UVSSA: variants seen among roughly 807,000 people sequenced by gnomAD.
UVSSA encodes the protein UV stimulated scaffold protein A, also known as UV-stimulated scaffold protein A.
In UVSSA, 72 loss-of-function variants were observed where a neutral mutation model predicts 73.9. That is an observed-to-expected ratio of 0.97 (90% CI 0.81 to 1.19). The LOEUF (loss-of-function observed/expected upper bound fraction) is 1.19, where lower values mean the gene tolerates loss of function less well. Ranked by LOEUF, UVSSA falls within the 50% of genes most tolerant of loss-of-function variation. The pLI is 0.00. For missense variants in UVSSA, 1,150 were observed against 965.0 expected, an observed-to-expected ratio of 1.19 and a Z score of -2.54; for synonymous variants, 454 against 391.3, an observed-to-expected ratio of 1.16 and a Z score of -1.89.
chr4:1,349,255 T>C (rs1714282272), intron 2 of UVSSA, among the ~76,000 whole-genome samples: 1 of 152,138 alleles, frequency 6.6e-6, no homozygotes, highest in Non-Finnish European at 1.5e-5. Flanking sequence ...ACATTTGAAG[T>C]GTATATGATT....
chr4:1,342,060 T>G (rs373742385), upstream of UVSSA, among the ~76,000 whole-genome samples: 1 of 152,254 alleles, frequency 6.6e-6, no homozygotes, highest in Admixed American at 6.5e-5. Context: ...AAACCTCTTA[T>G]GAACATTTGT....
At chr4:1,357,751 C>T (rs961520851) in intron 7 of UVSSA, among the ~76,000 whole-genome samples, 1 of 152,238 alleles carries the variant, frequency 6.6e-6, no homozygotes, top group Non-Finnish European at 1.5e-5. Context: ...GGAGTGCTGG[C>T]CTCCCAGACC....
chr4:1,380,746 A>C (rs1366198074), intron 11 of UVSSA, 134 bp from the exon 12 acceptor site: 1 of 1,563,480 alleles, frequency 6.4e-7, no homozygotes, highest in Non-Finnish European at 8.7e-7. Context: ...GCGTGATTCC[A>C]GGTTGTGTAC....
upstream of UVSSA, among the ~76,000 whole-genome samples, chr4:1,346,179 C>G (rs1295608880): frequency 6.6e-6 from 1 of 152,206 alleles, no homozygotes; most frequent in East Asian, 1.9e-4. Context: ...TGAGATATAA[C>G]TCACACATCC....
At chr4:1,388,223 A>C (rs1720290668), downstream of UVSSA, 1 of 152,266 alleles carries the variant, frequency 6.6e-6, no homozygotes, top group Non-Finnish European at 1.5e-5. Flanking sequence ...AAAAGATTAT[A>C]AATTGCATTT....
chr4:1,372,427 G>T (rs765132111), intron 8 of UVSSA, among the ~76,000 whole-genome samples: 1 of 152,126 alleles, frequency 6.6e-6, no homozygotes, highest in Non-Finnish European at 1.5e-5. Flanking sequence ...TGTTGTGCTG[G>T]TTTTTATTCT....
chr4:1,375,953 C>T, intron 9 of UVSSA, 81 bp from the exon 10 acceptor site: 1 of 1,537,716 alleles, frequency 6.5e-7, no homozygotes, highest in Non-Finnish European at 8.7e-7. Flanking sequence ...CCCAGCCTTG[C>T]TGTGGGGGTG....
chr4:1,368,654 G>A (rs1326584175), intron 8 of UVSSA, among the ~76,000 whole-genome samples: 1 of 152,220 alleles, frequency 6.6e-6, no homozygotes, highest in South Asian at 2.1e-4. Context: ...CAGGTACACC[G>A]AGCCTCACAG....
rs544184238 is a variant in UVSSA at position 1,381,054 on chromosome 4, G to A, written c.1861+66G>A. ...GGGACTCACTGCCACTAGTGGCCCG[G>A]GGTGTGTCTGCAGAGTCACAGAGCA... is the stretch of plus-strand genomic sequence containing the variant. On this transcript the variant is annotated intron_variant, in intron 12 of 13. Transcript: ENST00000389851. 8 of 1,476,802 alleles carry A rather than the reference G, an allele frequency of 5.4e-6. No individual in the cohort carries two copies. In the African/African-American group the frequency reaches 9.7e-5, roughly 18 times the overall value. 91.5% of individuals were successfully genotyped at this position (1,476,802 alleles called of 1,614,324 possible).
intron 8 of UVSSA, among the ~76,000 whole-genome samples, chr4:1,372,326 T>C (rs1371001344): frequency 2.0e-5 from 3 of 152,190 alleles, no homozygotes; most frequent in Non-Finnish European, 4.4e-5. Flanking sequence ...TCTGGCGGCC[T>C]GTCACGCGTC....
intron 9 of UVSSA, 138 bp from the exon 10 acceptor site, chr4:1,375,896 A>G: frequency 7.4e-7 from 1 of 1,352,080 alleles, no homozygotes; most frequent in South Asian, 1.4e-5. Flanking sequence ...CCTGAGGCCC[A>G]GGCGTCGTGT....
At chr4:1,372,845 T>C in intron 8 of UVSSA, among the ~76,000 whole-genome samples, 2 of 69,052 alleles carry the variant, frequency 2.9e-5, no homozygotes, top group African/African-American at 5.2e-5. Context: ...CTCAGGGCAC[T>C]CACCTCCCGC....
At chr4:1,346,283 G>A (rs1481511095), upstream of UVSSA, among the ~76,000 whole-genome samples, 1 of 152,152 alleles carries the variant, frequency 6.6e-6, no homozygotes, top group Admixed American at 6.5e-5. Context: ...AAGAAACCCC[G>A]GCCCGCCGCC....
At chr4:1,355,362 G>A in intron 7 of UVSSA, 117 bp downstream of exon 7, 1 of 1,030,780 alleles carries the variant, frequency 9.7e-7, no homozygotes, top group Non-Finnish European at 1.4e-6. Flanking sequence ...CACACCCCAA[G>A]CCCACTCAGC....
Position 1,348,196 on chromosome 4 carries a change from C to T in UVSSA, c.98+7C>T, listed in dbSNP as rs780844036. The T allele has an allele frequency of 4.1e-5, 66 of 1,607,058 alleles. No individual in the cohort carries two copies. The highest frequency in any genetic ancestry group is 5.3e-5 in the Non-Finnish European group (62 of 1,174,434). On this transcript the variant is annotated splice_region_variant and intron_variant, in intron 2 of 13. Transcript: ENST00000389851. ...AACTGAAGAAAATTTGCAAGTATGT[C>T]TTAGGGTTCAGTAACAGTAACTGAC...
intron 4 of UVSSA, among the ~76,000 whole-genome samples, chr4:1,352,639 C>T (rs1262191906): frequency 6.6e-6 from 1 of 152,236 alleles, no homozygotes; most frequent in Non-Finnish European, 1.5e-5. Flanking sequence ...GAGCTGGGTG[C>T]TCTAGTAAGC....
At chr4:1,378,835 G>A (rs1429540732) in intron 10 of UVSSA, among the ~76,000 whole-genome samples, 2 of 152,242 alleles carry the variant, frequency 1.3e-5, no homozygotes, top group African/African-American at 2.4e-5. Flanking sequence ...ATGGCCAGGT[G>A]CTCTTCAGCC....
At position 1,349,654 on chromosome 4, in the gene UVSSA, A is replaced by G. The variant is rs1560418422; in HGVS notation, c.229A>G (p.Met77Val). The G allele has an allele frequency of 6.2e-7, 1 of 1,614,038 alleles. No individual in the cohort carries two copies. The highest frequency in any genetic ancestry group is 8.5e-7 in the Non-Finnish European group (1 of 1,179,966). Residue 77 changes from methionine to valine, a missense_variant, in exon 3 of 14, where the codon ATG (methionine) becomes GTG (valine). Coordinates refer to ENST00000389851, the MANE Select transcript of UVSSA (RefSeq NM_020894.4). ...ELFVRSHQFR[M>V]LVVSNFQEFL... ...CTTCGTCAGGTCTCACCAGTTCCGG[A>G]TGCTGGTTGTTTCCAACTTCCAGGA...
intron 4 of UVSSA, among the ~76,000 whole-genome samples, chr4:1,352,250 G>A (rs1009706845): frequency 3.3e-5 from 5 of 152,260 alleles, no homozygotes; most frequent in Admixed American, 1.3e-4. Flanking sequence ...CACCACGAGA[G>A]TGTGAGGAGG....
Sources: gnomAD v4.1 joint callset for allele counts (sites outside exome capture counted in the v4.1 genomes callset) on GRCh38, gnomAD v4.1.1 for gene constraint, MANE v1.5 for transcripts, NCBI Gene and HGNC (gene_info 2026-07-23, HGNC 2026-07-21) for gene names.